Variants in ATG4C observed in about 807,000 individuals in gnomAD.
ATG4C encodes autophagy related 4C cysteine peptidase, also known as cysteine protease ATG4C.
A neutral mutation model predicts 57.6 loss-of-function variants in ATG4C; 56 were observed. The ratio of observed to expected loss-of-function variants is 0.97; its 90% CI spans 0.78 to 1.21. The LOEUF (loss-of-function observed/expected upper bound fraction) is 1.21. Among genes scored for constraint, ATG4C ranks in the 50% most tolerant of loss-of-function variants. The probability of loss-of-function intolerance (pLI) is 0.00; values close to 1 mark genes in which losing one functional copy is unlikely to be tolerated. For synonymous variants in ATG4C, 157 were observed against 174.1 expected, an observed-to-expected ratio of 0.90 and a Z score of 0.78; for missense variants, 595 against 529.8, an observed-to-expected ratio of 1.12 and a Z score of -1.21.
chr1:62,830,393 G>C (rs1389118561), intron 7 of ATG4C, among the ~76,000 whole-genome samples: 1 of 151,892 alleles, frequency 6.6e-6, no homozygotes, highest in East Asian at 1.9e-4. Context: ...ATTCTTTTTT[G>C]CCTTCTCTAC....
At chr1:62,849,908 C>T (rs1021726390) in intron 10 of ATG4C, among the ~76,000 whole-genome samples, 3 of 151,954 alleles carry the variant, frequency 2.0e-5, no homozygotes, top group Non-Finnish European at 2.9e-5. Context: ...TTATAAAATA[C>T]TTGTTTTAGT....
intron 9 of ATG4C, 88 bp downstream of exon 9, chr1:62,834,940 G>A (rs879852380): frequency 3.7e-6 from 4 of 1,087,056 alleles, no homozygotes; most frequent in South Asian, 1.4e-5. Context: ...ATGCTTTTAC[G>A]GTATTATAAC....
At chr1:62,862,356 G>A (rs1204311468) in intron 10 of ATG4C, among the ~76,000 whole-genome samples, 1 of 152,072 alleles carries the variant, frequency 6.6e-6, no homozygotes, top group Non-Finnish European at 1.5e-5. Flanking sequence ...AAGAAAGGAT[G>A]AAGAGATGAT....
rs549785561 is a variant in ATG4C, at chr1:62,859,421, T to G, written c.1210-4571T>G. Among the ~76,000 whole-genome samples the G allele has an allele frequency of 6.6e-5, 10 of 152,320 alleles. No homozygotes were observed. The East Asian group carries it at 1.9e-3, about 29-fold the overall frequency. The stretch of plus-strand genomic sequence containing the variant: ...GCAATTATAACACAATGGTAAGTAT[T>G]TGTGTATCTAAATGTATCTAAACAT... On this transcript the variant is annotated intron_variant, in intron 10 of 10. Transcript: ENST00000317868.
chr1:62,791,865 C>G lies in ATG4C; in HGVS notation c.-69+7592C>G, dbSNP rs1664285027. Among the ~76,000 whole-genome samples the G allele has an allele frequency of 2.0e-5, 3 of 150,944 alleles. No homozygotes were observed. In the South Asian group the frequency reaches 6.2e-4, roughly 31 times the overall value. On this transcript the variant is annotated intron_variant, in intron 1 of 10. Transcript: ENST00000317868. ...GGGTTCCCTGTTTCAGCTAATGGAA[C>G]CATTATGCTCCTAGACATTAGACCT...
At chr1:62,837,845 G>C (rs796314910) in intron 9 of ATG4C, among the ~76,000 whole-genome samples, 11 of 152,188 alleles carry the variant, frequency 7.2e-5, no homozygotes, top group African/African-American at 2.6e-4. Context: ...CAGTTGGAGC[G>C]TAGTGTGTAA....
At chr1:62,795,317 T>G (rs1230506075) in intron 1 of ATG4C, among the ~76,000 whole-genome samples, 1 of 152,230 alleles carries the variant, frequency 6.6e-6, no homozygotes, top group Non-Finnish European at 1.5e-5. Context: ...TACAGTTTTT[T>G]GACTATCTTA....
chr1:62,821,290 T>A, intron 6 of ATG4C, 81 bp downstream of exon 6: 1 of 827,114 alleles, frequency 1.2e-6, no homozygotes, highest in Non-Finnish European at 1.8e-6. Context: ...AGTAATACTG[T>A]AAATGATTAT....
chr1:62,814,082 C>A (rs1230669552), intron 3 of ATG4C, among the ~76,000 whole-genome samples: 21 of 152,118 alleles, frequency 1.4e-4, no homozygotes, highest in Non-Finnish European at 2.6e-4. Context: ...TGACCCAGCA[C>A]TCCTATTACT....
At chr1:62,839,908 GAAAA>G (rs144598012) in intron 9 of ATG4C, among the ~76,000 whole-genome samples, 4 of 151,548 alleles carry the variant, frequency 2.6e-5, no homozygotes, top group Admixed American at 2.6e-4. Flanking sequence ...CTTTTCATTG[GAAAA>G]AAAAGCAGCT....
At chr1:62,791,144 G>T (rs1664262688) in intron 1 of ATG4C, among the ~76,000 whole-genome samples, 1 of 152,116 alleles carries the variant, frequency 6.6e-6, no homozygotes, top group South Asian at 2.1e-4. Context: ...TATCTCTATT[G>T]TGAGATATAA....
intron 1 of ATG4C, among the ~76,000 whole-genome samples, chr1:62,786,543 AC>A (rs71740532): frequency 0.19 from 28,658 of 149,660 alleles, 3,133 homozygotes; most frequent in African/African-American, 0.32. Context: ...AAAAAAAAAA[AC>A]AAGTGAAAAT....
intron 10 of ATG4C, 71 bp from the exon 11 acceptor site, chr1:62,863,918 CAGT>C: frequency 9.3e-7 from 1 of 1,072,576 alleles, no homozygotes; most frequent in Non-Finnish European, 1.3e-6. Context: ...AGGGCTAAAA[CAGT>C]AGATTTGTCG....
chr1:62,787,776 T>C (rs539819321), intron 1 of ATG4C, among the ~76,000 whole-genome samples: 12 of 151,998 alleles, frequency 7.9e-5, no homozygotes, highest in South Asian at 2.1e-4. Context: ...CCTTATAGAA[T>C]TGTTGTGAGA....
At chr1:62,822,364 G>A (rs1665509767) in intron 6 of ATG4C, among the ~76,000 whole-genome samples, 1 of 152,082 alleles carries the variant, frequency 6.6e-6, no homozygotes, top group Non-Finnish European at 1.5e-5. Context: ...AAGTATATGA[G>A]TTTTGCAGGT....
chr1:62,801,597 G>A (rs1320924917), intron 1 of ATG4C, among the ~76,000 whole-genome samples: 1 of 151,736 alleles, frequency 6.6e-6, no homozygotes, highest in East Asian at 1.9e-4. Context: ...GGCGGAGATT[G>A]CAGTGAGCCG....
At chr1:62,844,047 A>T in intron 10 of ATG4C, among the ~76,000 whole-genome samples, 1 of 152,192 alleles carries the variant, frequency 6.6e-6, no homozygotes, top group East Asian at 1.9e-4. Context: ...AAGCTGAGGA[A>T]ATACCAAAAG....
intron 9 of ATG4C, chr1:62,835,565 G>T (rs1414920610): frequency 1.1e-5 from 2 of 177,436 alleles, no homozygotes; most frequent in African/African-American, 4.8e-5. Context: ...TCAAGGACTT[G>T]ATGAGTTGCA....
chr1:62,864,129 A>T lies in ATG4C; in HGVS notation c.1347A>T (p.Arg449Ser). 2 of 1,605,896 alleles carry T rather than the reference A, an allele frequency of 1.2e-6. 1 individual carries two copies. Among genetic ancestry groups the T allele is most frequent in the South Asian group, 2.2e-5 (2 of 89,222 alleles). The change falls in exon 11 of 11, where the codon AGA (arginine) becomes AGT (serine). Residue 449 changes from arginine to serine, a missense_variant. Transcript: ENST00000317868. ...AGGATGAAAAGAAACAATTAAAAAG[A>T]TTTAGCACGGAAGAGTTTGTCTTGC... ...FSEDEKKQLK[R>S]FSTEEFVLL
Sources: allele counts gnomAD v4.1 joint callset (sites outside exome capture counted in the v4.1 genomes callset), GRCh38; gene constraint gnomAD v4.1.1; transcripts MANE v1.5; gene names NCBI Gene and HGNC (gene_info 2026-07-23, HGNC 2026-07-21).